The following NTM variants were observed in gnomAD, a reference collection of about 807,000 sequenced individuals.
NTM encodes neurotrimin, also known as IgLON family member 2.
In NTM, 13 loss-of-function variants were observed where a neutral mutation model predicts 42.1. The ratio of observed to expected loss-of-function variants is 0.31; its 90% confidence interval spans 0.20 to 0.49. The LOEUF is 0.49. Among genes scored for constraint, NTM ranks in the 20% least tolerant of loss-of-function variants. The probability of loss-of-function intolerance (pLI) is 0.99; values close to 1 mark genes in which losing one functional copy is unlikely to be tolerated. For synonymous variants in NTM, 187 were observed against 179.2 expected (o/e 1.04, Z -0.35); for missense variants, 373 against 452.8 (o/e 0.82, Z 1.60).
At chr11:132,025,673 G>A (rs1565974270) in intron 2 of NTM, among the ~76,000 whole-genome samples, 1 of 152,136 alleles carries the variant, frequency 6.6e-6, no homozygotes, top group Non-Finnish European at 1.5e-5. Context: ...CTGATAGCTG[G>A]GTCCATAGCC....
intron 2 of NTM, among the ~76,000 whole-genome samples, chr11:132,065,448 C>G (rs1338405531): frequency 6.6e-6 from 1 of 152,128 alleles, no homozygotes; most frequent in Non-Finnish European, 1.5e-5. Flanking sequence ...TCTCCTGCAC[C>G]AGATTCCACA....
At chr11:131,801,300 G>A (rs2092086502) in intron 1 of NTM, among the ~76,000 whole-genome samples, 1 of 152,192 alleles carries the variant, frequency 6.6e-6, no homozygotes, top group Non-Finnish European at 1.5e-5. Context: ...TGAATCAATT[G>A]TGTGTTGGGA....
intron 1 of NTM, among the ~76,000 whole-genome samples, chr11:131,588,347 A>G (rs1204662685): frequency 6.6e-6 from 1 of 152,242 alleles, no homozygotes; most frequent in Non-Finnish European, 1.5e-5. Flanking sequence ...GCTTTGTATA[A>G]CTTAATTTTG....
intron 2 of NTM, among the ~76,000 whole-genome samples, chr11:132,063,662 G>C (rs2081016463): frequency 6.6e-6 from 1 of 152,128 alleles, no homozygotes; most frequent in Non-Finnish European, 1.5e-5. Context: ...GTTTAATACT[G>C]ATGTGGAAGG....
chr11:131,526,382 T>G (rs950003561), intron 1 of NTM, among the ~76,000 whole-genome samples: 3 of 152,210 alleles, frequency 2.0e-5, no homozygotes, highest in African/African-American at 7.2e-5. Context: ...GTGTTTCAGG[T>G]GGGCTAATCA....
rs1220745185 is a variant in NTM, at chr11:131,854,120, A to G, written c.83-57444A>G. On this transcript the variant is annotated intron_variant, in intron 1 of 8. Transcript: ENST00000683400. ...AAAGAAAGCATTGGTATATTTTTAC[A>G]TCTCATAACTGAAGTCATCTTAGAA... Among the ~76,000 whole-genome samples, 3 of 152,336 alleles carry G rather than the reference A, an allele frequency of 2.0e-5. No individual in the cohort carries two copies. In the East Asian group the frequency reaches 5.8e-4, roughly 29 times the overall value.
chr11:131,621,395 CG>C (rs1565339502), intron 1 of NTM, among the ~76,000 whole-genome samples: 1 of 151,978 alleles, frequency 6.6e-6, no homozygotes, highest in Non-Finnish European at 1.5e-5. Context: ...GGGGCATCTC[CG>C]GAGAAAGCTT....
intron 1 of NTM, among the ~76,000 whole-genome samples, chr11:131,849,275 A>G (rs1822956432): frequency 1.3e-5 from 2 of 152,296 alleles, no homozygotes; most frequent in South Asian, 4.1e-4. Context: ...CTGTAAAGAA[A>G]TACCTGAGAC....
chr11:132,026,667 C>A (rs145900934), intron 2 of NTM, among the ~76,000 whole-genome samples: 50 of 152,280 alleles, frequency 3.3e-4, no homozygotes, highest in Non-Finnish European at 5.9e-4. Context: ...TTATCTGCAG[C>A]AATTGGTGTT....
At chr11:131,700,050 G>T (rs905842078) in intron 1 of NTM, among the ~76,000 whole-genome samples, 3 of 151,984 alleles carry the variant, frequency 2.0e-5, no homozygotes, top group Non-Finnish European at 4.4e-5. Flanking sequence ...GAAGCTAATT[G>T]TGAAGCTGGG....
intron 1 of NTM, among the ~76,000 whole-genome samples, chr11:131,901,726 A>G (rs776866953): frequency 5.9e-5 from 9 of 152,176 alleles, no homozygotes; most frequent in Admixed American, 1.3e-4. Flanking sequence ...CCTTGTCAAA[A>G]CTGTTGTGAA....
At chr11:131,973,424 G>A (rs1236159238) in intron 2 of NTM, among the ~76,000 whole-genome samples, 1 of 152,218 alleles carries the variant, frequency 6.6e-6, no homozygotes, top group Non-Finnish European at 1.5e-5. Context: ...ACCTTTATTA[G>A]TGCTTCTCAT....
At chr11:132,166,897 G>C (rs546472223) in intron 3 of NTM, among the ~76,000 whole-genome samples, 1 of 152,242 alleles carries the variant, frequency 6.6e-6, no homozygotes, top group Admixed American at 6.5e-5. Flanking sequence ...TGAGAGGACC[G>C]TTGTCATCTG....
intron 7 of NTM, among the ~76,000 whole-genome samples, chr11:132,325,280 G>GTAGACT: frequency 6.7e-6 from 1 of 150,264 alleles, no homozygotes; most frequent in Middle Eastern, 3.5e-3. Context: ...ATCTGACAAA[G>GTAGACT]GGCTAATATC....
intron 1 of NTM, among the ~76,000 whole-genome samples, chr11:131,607,889 G>GTT (rs34341331): frequency 2.0e-5 from 3 of 149,910 alleles, no homozygotes; most frequent in East Asian, 2.0e-4. Context: ...GGTTTTTTGT[G>GTT]TTTTTTTTTT....
chr11:131,412,577 T>C (rs1020656012), intron 1 of NTM, among the ~76,000 whole-genome samples: 4 of 152,156 alleles, frequency 2.6e-5, no homozygotes, highest in Admixed American at 6.5e-5. Context: ...TTAGATAACA[T>C]AGCAAAAGTA....
chr11:131,432,122 C>T (rs960607205), intron 1 of NTM, among the ~76,000 whole-genome samples: 1 of 152,106 alleles, frequency 6.6e-6, no homozygotes, highest in African/African-American at 2.4e-5. Context: ...TGAATTCTTA[C>T]CATTAATAGC....
intron 2 of NTM, among the ~76,000 whole-genome samples, chr11:132,125,416 G>A (rs963417503): frequency 2.0e-5 from 3 of 147,386 alleles, no homozygotes; most frequent in Admixed American, 6.9e-5. Flanking sequence ...TGTGTGCTAT[G>A]TGATGTATGT....
intron 1 of NTM, among the ~76,000 whole-genome samples, chr11:131,787,532 C>A (rs140187274): frequency 0.014 from 2,069 of 151,872 alleles, 41 homozygotes; most frequent in African/African-American, 0.045. Context: ...GCTACAGGCA[C>A]GCAGCACCAT....
Sources: allele counts gnomAD v4.1 joint callset (sites outside exome capture counted in the v4.1 genomes callset), GRCh38; gene constraint gnomAD v4.1.1; transcripts MANE v1.5; gene names NCBI Gene and HGNC (gene_info 2026-07-23, HGNC 2026-07-21).